ICA1L: variants seen among roughly 807,000 people sequenced by gnomAD.
The protein encoded by ICA1L is islet cell autoantigen 1-like protein.
ICA1L carries 50 observed loss-of-function variants against 61.3 expected under a neutral mutation model. That is an observed-to-expected ratio of 0.82 (90% CI 0.65 to 1.03). The LOEUF (loss-of-function observed/expected upper bound fraction) is 1.03. ICA1L is among the 50% of genes least tolerant of loss of function. The pLI is 0.00. For missense variants in ICA1L, 508 were observed against 556.7 expected, an observed-to-expected ratio of 0.91 and a Z score of 0.88; for synonymous variants, 161 against 191.3, an observed-to-expected ratio of 0.84 and a Z score of 1.31.
At position 202,778,685 on chromosome 2, in the gene ICA1L, TTC is replaced by T. The variant is rs1574316944; in HGVS notation, c.*846_*847del. 4 of 152,762 alleles carry T rather than the reference TTC, an allele frequency of 2.6e-5. No individual in the cohort carries two copies. In the East Asian group the frequency reaches 7.7e-4, roughly 29 times the overall value. The allele number at this position is 152,762 out of a possible 1,614,324, so 9.5% of individuals were successfully genotyped here. A position where few individuals can be genotyped will look rare whatever the true frequency, so the allele number is the denominator to read the frequency against. On this transcript the variant is annotated 3_prime_UTR_variant, in exon 13 of 13. Transcript: ENST00000358299. ...GGGAATATTCTCCCCTCATTTTATT[TTC>T]AGGAATAATATAAATACTGCATACT...
chr2:202,776,564 T>G lies in ICA1L; in HGVS notation c.*2969A>C, dbSNP rs1446367871. 2 of 152,194 alleles carry G rather than the reference T, an allele frequency of 1.3e-5. No homozygotes were observed. Among genetic ancestry groups the G allele is most frequent in the Non-Finnish European group, 2.9e-5 (2 of 68,030 alleles). The allele number at this position is 152,194 out of a possible 1,614,324, so 9.4% of individuals were successfully genotyped here. A position where few individuals can be genotyped will look rare whatever the true frequency, so the allele number is the denominator to read the frequency against. On this transcript the variant is annotated 3_prime_UTR_variant, in exon 13 of 13. Transcript: ENST00000358299. ...GTGGTGGTTTTTTATATTAGCAGTA[T>G]TGGTTTAATAGAGCAAAATTTCTTT...
At chr2:202,809,251 A>G (rs950721457) in intron 9 of ICA1L, among the ~76,000 whole-genome samples, 2 of 151,950 alleles carry the variant, frequency 1.3e-5, no homozygotes, top group African/African-American at 4.8e-5. Flanking sequence ...TTCAATTGAT[A>G]TAGTGAAGAA....
intron 1 of ICA1L, among the ~76,000 whole-genome samples, chr2:202,834,869 T>C (rs1262678995): frequency 3.3e-5 from 5 of 152,120 alleles, no homozygotes; most frequent in Non-Finnish European, 7.4e-5. Flanking sequence ...CTCACTCTGT[T>C]GCCTGGGTTA....
chr2:202,853,380 T>G (rs1196100510), intron 1 of ICA1L, among the ~76,000 whole-genome samples: 1 of 146,080 alleles, frequency 6.8e-6, no homozygotes, highest in South Asian at 2.1e-4. Context: ...AAGACTTAAA[T>G]GTTAGACCTA....
intron 3 of ICA1L, among the ~76,000 whole-genome samples, chr2:202,823,632 A>G (rs965837134): frequency 6.6e-6 from 1 of 152,238 alleles, no homozygotes; most frequent in Non-Finnish European, 1.5e-5. Flanking sequence ...TCTTCTGCCT[A>G]TGCAGGCTGT....
intron 12 of ICA1L, among the ~76,000 whole-genome samples, chr2:202,780,930 G>A (rs1167782564): frequency 6.6e-6 from 1 of 152,112 alleles, no homozygotes; most frequent in Non-Finnish European, 1.5e-5. Context: ...CATGATATCA[G>A]GATACATGAG....
Position 202,862,601 on chromosome 2 carries a change from G to C in ICA1L, c.-8+9018C>G, listed in dbSNP as rs533528636. On this transcript the variant is annotated intron_variant, in intron 1 of 12. Coordinates refer to ENST00000358299, the MANE Select transcript of ICA1L (RefSeq NM_001288622.3). ...CCTGTAATCCCAGCACTTTGGGAGG[G>C]CGAGGCGGGTGGATGGCCTGAGGTC... Among the ~76,000 whole-genome samples, 75 of 151,202 alleles carry C rather than the reference G, an allele frequency of 5.0e-4. 1 individual carries two copies. In the East Asian group the frequency reaches 0.014, roughly 29 times the overall value.
intron 9 of ICA1L, among the ~76,000 whole-genome samples, chr2:202,801,153 A>G (rs1693077178): frequency 6.6e-6 from 1 of 152,166 alleles, no homozygotes; most frequent in South Asian, 2.1e-4. Context: ...ACAGCAAGGA[A>G]GGTTTCAGGC....
intron 9 of ICA1L, among the ~76,000 whole-genome samples, chr2:202,802,762 T>C (rs1449521437): frequency 6.6e-6 from 1 of 152,076 alleles, no homozygotes; most frequent in Non-Finnish European, 1.5e-5. Context: ...AAATCTCAAT[T>C]TTTTTAATAA....
intron 12 of ICA1L, among the ~76,000 whole-genome samples, chr2:202,784,832 C>T (rs1692529584): frequency 6.6e-6 from 1 of 152,068 alleles, no homozygotes; most frequent in Non-Finnish European, 1.5e-5. Flanking sequence ...GTTGAACGGG[C>T]ATAAAGTTTC....
chr2:202,863,433 T>G (rs1008608550), intron 1 of ICA1L, among the ~76,000 whole-genome samples: 1 of 151,500 alleles, frequency 6.6e-6, no homozygotes, highest in Non-Finnish European at 1.5e-5. Flanking sequence ...ATAAGAAAAT[T>G]AAAGTTAAAA....
chr2:202,850,910 AG>A (rs748499605), intron 1 of ICA1L, among the ~76,000 whole-genome samples: 8 of 152,206 alleles, frequency 5.3e-5, no homozygotes, highest in Non-Finnish European at 8.8e-5. Context: ...TTACCGACAA[AG>A]GGAAGTCCAT....
chr2:202,824,794 T>C (rs1211037886), intron 3 of ICA1L, among the ~76,000 whole-genome samples: 1 of 152,124 alleles, frequency 6.6e-6, no homozygotes, highest in African/African-American at 2.4e-5. Flanking sequence ...AGTTTTAACC[T>C]GAACAAGTCC....
intron 9 of ICA1L, among the ~76,000 whole-genome samples, chr2:202,805,659 TAGAG>T (rs1489382688): frequency 2.0e-5 from 3 of 151,798 alleles, no homozygotes; most frequent in East Asian, 1.9e-4. Flanking sequence ...AAATATTCAA[TAGAG>T]AGGATTAACA....
chr2:202,788,787 A>G lies in ICA1L; in HGVS notation c.1243+43T>C, dbSNP rs781562124. ...AAGCACACCATTTTGCTTCACAAAG[A>G]TAAAGTAAAGCACATATGTCCAAAT... On this transcript the variant is annotated intron_variant, in intron 11 of 12. Transcript: ENST00000358299. 13 of 1,605,346 alleles carry G rather than the reference A, an allele frequency of 8.1e-6. No homozygotes were observed. The South Asian group carries it at 1.4e-4, about 18-fold the overall frequency.
At position 202,776,575 on chromosome 2, in the gene ICA1L, G is replaced by A. The variant is rs907967269; in HGVS notation, c.*2958C>T. The A allele has an allele frequency of 6.6e-6, 1 of 152,130 alleles. No homozygotes were observed. Among genetic ancestry groups the A allele is most frequent in the Admixed American group, 6.5e-5 (1 of 15,282 alleles). 9.4% of individuals were successfully genotyped at this position (152,130 alleles called of 1,614,324 possible). The stretch of plus-strand genomic sequence containing the variant: ...TTATATTAGCAGTATTGGTTTAATA[G>A]AGCAAAATTTCTTTCTGACCACAAA... On this transcript the variant is annotated 3_prime_UTR_variant, in exon 13 of 13. Coordinates refer to ENST00000358299, the MANE Select transcript of ICA1L (RefSeq NM_001288622.3).
At chr2:202,815,831 TA>T (rs374333116) in intron 7 of ICA1L, 79 bp downstream of exon 7, 147,832 of 651,162 alleles carry the variant, frequency 0.23, no homozygotes, top group East Asian at 0.3. Context: ...TAACCTTGGT[TA>T]AAAAAAAAAA....
intron 3 of ICA1L, among the ~76,000 whole-genome samples, chr2:202,823,071 T>G: frequency 6.6e-6 from 1 of 152,246 alleles, no homozygotes; most frequent in Admixed American, 6.5e-5. Context: ...GAAAGCACTT[T>G]GAGTACTTGG....
At chr2:202,814,642 TATC>T in intron 8 of ICA1L, 57 bp downstream of exon 8, 3 of 1,067,826 alleles carry the variant, frequency 2.8e-6, no homozygotes, top group Non-Finnish European at 4.3e-6. Context: ...TTTCCACATA[TATC>T]ATATGATGGT....
Sources: allele counts gnomAD v4.1 joint callset (sites outside exome capture counted in the v4.1 genomes callset), GRCh38; gene constraint gnomAD v4.1.1; transcripts MANE v1.5; gene names NCBI Gene and HGNC (gene_info 2026-07-23, HGNC 2026-07-21).